The following WNK1 variants were observed in gnomAD, a reference collection of about 807,000 sequenced individuals.
WNK1 encodes WNK lysine deficient protein kinase 1, also known as serine/threonine-protein kinase WNK1.
In WNK1, 38 loss-of-function variants were observed where a neutral mutation model predicts 222.8. That is an observed-to-expected ratio of 0.17 (90% CI 0.13 to 0.22). The LOEUF (loss-of-function observed/expected upper bound fraction) is 0.22. Among genes scored for constraint, WNK1 ranks in the 10% least tolerant of loss-of-function variants. The probability of loss-of-function intolerance (pLI) is 1.00; values close to 1 mark genes in which losing one functional copy is unlikely to be tolerated. For synonymous variants in WNK1, 1,090 were observed against 1,092.9 expected (o/e 1.00, Z 0.05); for missense variants, 2,348 against 2,918.4 (o/e 0.80, Z 4.50).
chr12:907,160 A>G (rs1955780155), intron 26 of WNK1, among the ~76,000 whole-genome samples: 1 of 151,836 alleles, frequency 6.6e-6, no homozygotes, highest in Admixed American at 6.6e-5. Context: ...TGTCTCTACT[A>G]AAATACAAAA....
intron 1 of WNK1, among the ~76,000 whole-genome samples, chr12:789,757 A>G (rs1944667207): frequency 6.6e-6 from 1 of 152,160 alleles, no homozygotes; most frequent in Admixed American, 6.5e-5. Flanking sequence ...CATAGATGGT[A>G]AGGCAGTGTC....
At position 765,498 on chromosome 12, in the gene WNK1, GATCATGC is replaced by G. The variant is rs537720583; in HGVS notation, c.759+11175_759+11181del. Among the ~76,000 whole-genome samples, 167 of 145,802 alleles carry G rather than the reference GATCATGC, an allele frequency of 1.1e-3. 19 individuals carry two copies. The highest frequency in any genetic ancestry group is 8.8e-3 in the South Asian group (39 of 4,452). Reference sequence around the variant, plus strand: ...GGAGGTCAGGGCTGCAGTGAGGCTTGATCATGCCACTTGCACTTCAGCCTAGGTGACA... The same window carrying G: ...GGAGGTCAGGGCTGCAGTGAGGCTTGCACTTGCACTTCAGCCTAGGTGACA... On this transcript the variant is annotated intron_variant, in intron 1 of 27. Transcript: ENST00000315939.
rs1018681838 is a variant in WNK1, at chr12:883,698, C to T, written c.3664-76C>T. 11 of 1,596,492 alleles carry T rather than the reference C, an allele frequency of 6.9e-6. No individual in the cohort carries two copies. The African/African-American group carries it at 1.5e-4, about 21-fold the overall frequency. On this transcript the variant is annotated intron_variant, in intron 16 of 27. Coordinates refer to ENST00000315939, the MANE Select transcript of WNK1 (RefSeq NM_018979.4). ...CGACAACAAACTTTTATGTTCTCTT[C>T]ACATGTGGCAGTTTGCTTTGCCTAG...
At chr12:844,417 T>A (rs1048324020) in intron 4 of WNK1, among the ~76,000 whole-genome samples, 1 of 152,166 alleles carries the variant, frequency 6.6e-6, no homozygotes, top group Non-Finnish European at 1.5e-5. Flanking sequence ...ATTACAGGCG[T>A]GAACGACCAC....
Position 882,052 on chromosome 12 carries a change from C to T in WNK1, c.3351C>T (p.Arg1117=), listed in dbSNP as rs781550969. 1 of 1,613,064 alleles carries T rather than the reference C, an allele frequency of 6.2e-7. No homozygotes were observed. The highest frequency in any genetic ancestry group is 8.5e-7 in the Non-Finnish European group (1 of 1,179,590). Residue 1117 remains arginine, a synonymous_variant, in exon 14 of 28, where the codon CGC becomes CGT. Transcript: ENST00000315939. ...GCTCTCGACATGAAAAAACTTCACGCCCAAAATTAAGAATTTTGAATGTAA... is the reference window on the plus strand; with the variant it reads ...GCTCTCGACATGAAAAAACTTCACGTCCAAAATTAAGAATTTTGAATGTAA... The part of the protein sequence containing the change: ...RSRSRHEKTS[R]PKLRILNVSN...
At chr12:870,133 T>C (rs1265606740) in intron 8 of WNK1, among the ~76,000 whole-genome samples, 2 of 152,190 alleles carry the variant, frequency 1.3e-5, no homozygotes, top group African/African-American at 4.8e-5. Flanking sequence ...CCTACTTTCT[T>C]CCTATGTTCT....
At chr12:777,149 ATT>A (rs1354389399) in intron 1 of WNK1, among the ~76,000 whole-genome samples, 2 of 131,858 alleles carry the variant, frequency 1.5e-5, no homozygotes, top group African/African-American at 5.8e-5. Context: ...ATTTGGAGGG[ATT>A]TTTTTTGTTT....
chr12:910,919 G>C lies in WNK1; in HGVS notation c.*2127G>C, dbSNP rs1312353344. Reference sequence around the variant, plus strand: ...TCTCTGCTTGTATTTCTTGTGGAGAGAGTAAGGATAGAACCAACAAGGGGC... The same window carrying C: ...TCTCTGCTTGTATTTCTTGTGGAGACAGTAAGGATAGAACCAACAAGGGGC... On this transcript the variant is annotated 3_prime_UTR_variant, in exon 28 of 28. Coordinates refer to ENST00000315939, the MANE Select transcript of WNK1 (RefSeq NM_018979.4). The C allele has an allele frequency of 1.1e-5, 2 of 180,894 alleles. No individual in the cohort carries two copies. The highest frequency in any genetic ancestry group is 2.3e-5 in the Non-Finnish European group (2 of 87,674). The allele number at this position is 180,894 out of a possible 1,614,324, so 11.2% of individuals were successfully genotyped here. A position where few individuals can be genotyped will look rare whatever the true frequency, so the allele number is the denominator to read the frequency against.
At chr12:830,207 A>G in intron 4 of WNK1, 47 bp downstream of exon 4, 1 of 1,598,846 alleles carries the variant, frequency 6.3e-7, no homozygotes, top group African/African-American at 1.3e-5. Context: ...ATATCTAACA[A>G]AGAATCCCAA....
intron 26 of WNK1, 134 bp from the exon 27 acceptor site, chr12:907,713 C>T (rs1417304263): frequency 2.2e-5 from 23 of 1,052,450 alleles, no homozygotes; most frequent in Non-Finnish European, 3.0e-5. Flanking sequence ...TTGGAATCTT[C>T]CCTCTTGCAT....
chr12:774,041 C>G (rs986374983), intron 1 of WNK1, among the ~76,000 whole-genome samples: 1 of 152,164 alleles, frequency 6.6e-6, no homozygotes, highest in East Asian at 1.9e-4. Context: ...ACAAATCCCC[C>G]TCCCTCTAAT....
chr12:903,760 A>C (rs1955467574), intron 26 of WNK1, among the ~76,000 whole-genome samples: 1 of 152,192 alleles, frequency 6.6e-6, no homozygotes, highest in African/African-American at 2.4e-5. Context: ...CATACTTGAA[A>C]TATGGAAAGG....
At chr12:770,645 G>T (rs1324712915) in intron 1 of WNK1, among the ~76,000 whole-genome samples, 4 of 151,926 alleles carry the variant, frequency 2.6e-5, no homozygotes, top group Non-Finnish European at 4.4e-5. Context: ...TCCTTTTTGT[G>T]GTTTCTTGCA....
rs1326563997 is a variant in WNK1, at chr12:827,826, G to A, written c.1153+564G>A. Among the ~76,000 whole-genome samples the A allele has an allele frequency of 6.6e-6, 1 of 152,000 alleles. No individual in the cohort carries two copies. The highest frequency in any genetic ancestry group is 1.9e-4 in the East Asian group (1 of 5,188). On this transcript the variant is annotated intron_variant, in intron 3 of 27. Coordinates refer to ENST00000315939, the MANE Select transcript of WNK1 (RefSeq NM_018979.4). This position sits in a 1 kb window ranked among gnomAD's most constrained non-coding sequence, Gnocchi z 4.6. ...TTACAGGCGTGAGCCACCCCGCCCA[G>A]CCAGCCATCTTTTCATTACACACTG... is the stretch of plus-strand genomic sequence containing the variant.
At position 854,355 on chromosome 12, in the gene WNK1, C is replaced by CTTTTTTT. The variant is rs765372764; in HGVS notation, c.1312-2801_1312-2795dup. On this transcript the variant is annotated intron_variant, in intron 4 of 27. Coordinates refer to ENST00000315939, the MANE Select transcript of WNK1 (RefSeq NM_018979.4). ...CAACAGAGCAAGAACTTATCATTAT[C>CTTTTTTT]TTTTTTTTTTTGTTTTTTTTGAGAC... Among the ~76,000 whole-genome samples the CTTTTTTT allele has an allele frequency of 2.9e-3, 281 of 97,732 alleles. 52 individuals are homozygous for CTTTTTTT. The highest frequency in any genetic ancestry group is 4.9e-3 in the South Asian group (12 of 2,448). The allele number at this position is 97,732 out of a possible 152,430, so 64.1% of individuals were successfully genotyped here.
At chr12:887,420 C>T (rs1565588699) in intron 20 of WNK1, 116 bp downstream of exon 20, 1 of 952,048 alleles carries the variant, frequency 1.1e-6, no homozygotes, top group Non-Finnish European at 1.7e-6. Context: ...TTAGTAACAC[C>T]TTTCTTTTAA....
chr12:868,681 A>G lies in WNK1; in HGVS notation c.2140-2584A>G, dbSNP rs749552060. 6.2e-7 allele frequency: 1 copy of G among 1,613,940 alleles called. No homozygotes were observed. The highest frequency in any genetic ancestry group is 8.5e-7 in the Non-Finnish European group (1 of 1,179,896). On this transcript the variant is annotated intron_variant, in intron 8 of 27. Coordinates refer to ENST00000315939, the MANE Select transcript of WNK1 (RefSeq NM_018979.4). Reference sequence around the variant, plus strand: ...CTTCAGGAGAAGGAGGTGGAATTTTACCTCAGCGTGTTTACCGAAATCGGC... The same window carrying G: ...CTTCAGGAGAAGGAGGTGGAATTTTGCCTCAGCGTGTTTACCGAAATCGGC...
At chr12:810,819 G>A (rs1028459304) in intron 1 of WNK1, among the ~76,000 whole-genome samples, 2 of 152,168 alleles carry the variant, frequency 1.3e-5, no homozygotes, top group African/African-American at 4.8e-5. Flanking sequence ...AATCTACTGA[G>A]CACTGTAATT....
chr12:850,755 A>G (rs2154055026), intron 4 of WNK1, among the ~76,000 whole-genome samples: 1 of 152,364 alleles, frequency 6.6e-6, no homozygotes, highest in African/African-American at 2.4e-5. Context: ...TATGAGGTGT[A>G]AGGAAGGGAT....
Sources: allele counts gnomAD v4.1 joint callset (sites outside exome capture counted in the v4.1 genomes callset), GRCh38; gene constraint gnomAD v4.1.1; non-coding constraint Gnocchi (gnomAD v3.1); transcripts MANE v1.5; gene names NCBI Gene and HGNC (gene_info 2026-07-23, HGNC 2026-07-21).